TSC22D2: variants seen among roughly 807,000 people sequenced by gnomAD.
TSC22D2 encodes TSC22 domain family member 2.
In TSC22D2, 5 loss-of-function variants were observed where a neutral mutation model predicts 50.1. That is an observed-to-expected ratio of 0.10 (90% CI 0.05 to 0.21). The LOEUF (loss-of-function observed/expected upper bound fraction) is 0.21. Ranked by LOEUF, TSC22D2 falls within the 10% of genes least tolerant of loss-of-function variation. The pLI is 1.00. For synonymous variants in TSC22D2, 501 were observed against 450.1 expected, an observed-to-expected ratio of 1.11 and a Z score of -1.43; for missense variants, 1,003 against 1,015.5, an observed-to-expected ratio of 0.99 and a Z score of 0.17.
At position 150,409,232 on chromosome 3, in the gene TSC22D2, G is replaced by A; in HGVS notation, c.-119G>A. On this transcript the variant is annotated 5_prime_UTR_variant, in exon 1 of 3. Coordinates refer to ENST00000688009, the MANE Select transcript of TSC22D2 (RefSeq NM_001303264.2). This position sits in a 1 kb window ranked among gnomAD's most constrained non-coding sequence, Gnocchi z 7.4. ...AGCCCGTGACTCTTAACAGCGGCGG[G>A]CCTCAGACCCCAGCGCAGACTCGGA... 8.4e-7 allele frequency: 1 copy of A among 1,186,696 alleles called. No individual in the cohort carries two copies. The highest frequency in any genetic ancestry group is 1.1e-6 in the Non-Finnish European group (1 of 870,280). 73.5% of individuals were successfully genotyped at this position (1,186,696 alleles called of 1,614,324 possible). A position where few individuals can be genotyped will look rare whatever the true frequency, so the allele number is the denominator to read the frequency against.
At chr3:150,418,183 G>T (rs1186564241) in intron 1 of TSC22D2, among the ~76,000 whole-genome samples, 1 of 151,924 alleles carries the variant, frequency 6.6e-6, no homozygotes, top group African/African-American at 2.4e-5. Flanking sequence ...CAGTCATTCA[G>T]CTTTCATGAT....
rs748395127 is a variant in TSC22D2 at position 150,462,209 on chromosome 3, A to G, written c.*3573A>G. On this transcript the variant is annotated 3_prime_UTR_variant, in exon 3 of 3. Coordinates refer to ENST00000688009, the MANE Select transcript of TSC22D2 (RefSeq NM_001303264.2). ...TAAGAGCCAGAGGGAAGGGTGTTCC[A>G]AGCACAAGAAAAGAGAACTCAATGG... is the stretch of plus-strand genomic sequence containing the variant. 1 of 152,200 alleles carries G rather than the reference A, an allele frequency of 6.6e-6. No homozygotes were observed. The highest frequency in any genetic ancestry group is 1.5e-5 in the Non-Finnish European group (1 of 68,040). The allele number at this position is 152,200 out of a possible 1,614,324, so 9.4% of individuals were successfully genotyped here.
chr3:150,421,732 T>C (rs569589181), intron 1 of TSC22D2, among the ~76,000 whole-genome samples: 1 of 152,294 alleles, frequency 6.6e-6, no homozygotes, highest in East Asian at 1.9e-4. Flanking sequence ...AGGCTCTTAA[T>C]AGGACCCCAG....
At chr3:150,432,777 G>C (rs1720420996) in intron 1 of TSC22D2, among the ~76,000 whole-genome samples, 1 of 151,960 alleles carries the variant, frequency 6.6e-6, no homozygotes, top group Non-Finnish European at 1.5e-5. Context: ...ATCCGCAGTT[G>C]GGCAACCTTT....
At chr3:150,448,199 C>T (rs145746422) in intron 1 of TSC22D2, among the ~76,000 whole-genome samples, 54 of 152,182 alleles carry the variant, frequency 3.5e-4, no homozygotes, top group African/African-American at 1.1e-3. Flanking sequence ...AATAATGCTA[C>T]GTAGGATGAC....
At chr3:150,437,679 G>T (rs1039589569) in intron 1 of TSC22D2, among the ~76,000 whole-genome samples, 13 of 151,888 alleles carry the variant, frequency 8.6e-5, no homozygotes, top group African/African-American at 3.1e-4. Flanking sequence ...GTGGTGGCAC[G>T]TGCCTGTAAT....
chr3:150,438,965 A>C (rs1473672407), intron 1 of TSC22D2, among the ~76,000 whole-genome samples: 1 of 152,086 alleles, frequency 6.6e-6, no homozygotes, highest in Non-Finnish European at 1.5e-5. Context: ...GAAAAAAACT[A>C]CTTTGTTTTG....
intron 1 of TSC22D2, among the ~76,000 whole-genome samples, chr3:150,448,999 T>G (rs1410146632): frequency 6.6e-6 from 1 of 152,072 alleles, no homozygotes; most frequent in Non-Finnish European, 1.5e-5. Context: ...GCTTACCAGA[T>G]TTACTTTGAA....
chr3:150,454,733 T>G (rs550400236), intron 1 of TSC22D2, among the ~76,000 whole-genome samples: 1 of 152,318 alleles, frequency 6.6e-6, no homozygotes, highest in East Asian at 1.9e-4. Context: ...GTAATTATAT[T>G]TGACACTGAT....
chr3:150,410,822 C>T lies in TSC22D2; in HGVS notation c.1472C>T (p.Pro491Leu). 1 of 1,613,418 alleles carries T rather than the reference C, an allele frequency of 6.2e-7. No homozygotes were observed. ...VPPPQMGGSG[P>L]LSAVPGGPHA... ...CCGCCGCAGATGGGTGGCAGTGGTC[C>T]GCTGTCAGCCGTACCTGGTGGCCCT... The change falls in exon 1 of 3, where the codon CCG (proline) becomes CTG (leucine). Residue 491 changes from proline to leucine, a missense_variant. Pro to Leu is a moderately conservative substitution (Grantham distance 98, BLOSUM62 -3). Transcript: ENST00000688009.
At chr3:150,427,859 TTTTAGA>T (rs765050449) in intron 1 of TSC22D2, among the ~76,000 whole-genome samples, 42 of 152,128 alleles carry the variant, frequency 2.8e-4, no homozygotes, top group African/African-American at 8.7e-4. Flanking sequence ...ATCTGAAATA[TTTTAGA>T]TTTAAAGTTG....
At chr3:150,422,526 G>A (rs1720046567) in intron 1 of TSC22D2, among the ~76,000 whole-genome samples, 1 of 148,302 alleles carries the variant, frequency 6.7e-6, no homozygotes, top group Admixed American at 6.8e-5. Context: ...ATAAATAAAT[G>A]GATTTTGAAG....
chr3:150,412,987 C>T (rs903934157), intron 1 of TSC22D2, among the ~76,000 whole-genome samples: 1 of 152,016 alleles, frequency 6.6e-6, no homozygotes, highest in Non-Finnish European at 1.5e-5. Flanking sequence ...CTGAGCTACC[C>T]CGCTTTCTAT....
chr3:150,420,677 ACTG>A (rs1719974686), intron 1 of TSC22D2, among the ~76,000 whole-genome samples: 1 of 152,216 alleles, frequency 6.6e-6, no homozygotes, highest in South Asian at 2.1e-4. Flanking sequence ...ATTCTGTAAA[ACTG>A]CTGGAATTTT....
chr3:150,450,952 G>A (rs1330268248), intron 1 of TSC22D2, among the ~76,000 whole-genome samples: 1 of 152,148 alleles, frequency 6.6e-6, no homozygotes, highest in Non-Finnish European at 1.5e-5. Context: ...TGGAATAAAA[G>A]TTATAGATGA....
intron 1 of TSC22D2, chr3:150,423,196 A>G (rs1459478065): frequency 2.9e-6 from 3 of 1,036,474 alleles, no homozygotes; most frequent in African/African-American, 1.6e-5. Context: ...CTGGTTTCTC[A>G]TTAAAACTGA....
Position 150,464,856 on chromosome 3 carries a change from T to C in TSC22D2, c.*6220T>C, listed in dbSNP as rs958428440. On this transcript the variant is annotated 3_prime_UTR_variant, in exon 3 of 3. Transcript: ENST00000688009. The stretch of plus-strand genomic sequence containing the variant: ...TTTTAATACTCTAAGTTGTAGATAA[T>C]GAAATTGATTTAAATCAAAGTTAAC... 3 of 152,196 alleles carry C rather than the reference T, an allele frequency of 2.0e-5. No homozygotes were observed. The highest frequency in any genetic ancestry group is 4.1e-4 in the South Asian group (2 of 4,834). 9.4% of individuals were successfully genotyped at this position (152,196 alleles called of 1,614,324 possible). A position where few individuals can be genotyped will look rare whatever the true frequency, so the allele number is the denominator to read the frequency against.
chr3:150,456,032 G>A (rs1394922858), intron 1 of TSC22D2, among the ~76,000 whole-genome samples: 1 of 152,080 alleles, frequency 6.6e-6, no homozygotes, highest in African/African-American at 2.4e-5. Flanking sequence ...GGTGATATTT[G>A]AACTTGGAAT....
intron 1 of TSC22D2, among the ~76,000 whole-genome samples, chr3:150,424,132 G>A (rs1720097884): frequency 6.6e-6 from 1 of 152,150 alleles, no homozygotes; most frequent in Admixed American, 6.5e-5. Flanking sequence ...TTTTGATGGT[G>A]TGTTCCAGAA....
Sources: allele counts gnomAD v4.1 joint callset (sites outside exome capture counted in the v4.1 genomes callset), GRCh38; gene constraint gnomAD v4.1.1; non-coding constraint Gnocchi (gnomAD v3.1); transcripts MANE v1.5; gene names NCBI Gene and HGNC (gene_info 2026-07-23, HGNC 2026-07-21).